Variants in WDR90 observed in about 807,000 individuals in gnomAD.
WDR90 encodes the protein WD repeat-containing protein 90.
Under a neutral mutation model 195.2 loss-of-function variants are expected in WDR90, and 238 were observed. That is an observed-to-expected ratio of 1.22 (90% CI 1.10 to 1.36). The LOEUF is 1.36. Ranked by LOEUF, WDR90 falls within the 40% of genes most tolerant of loss-of-function variation. WDR90 has a pLI of 0.00. For missense variants in WDR90, 2,734 were observed against 2,439.5 expected, an observed-to-expected ratio of 1.12 and a Z score of -2.54; for synonymous variants, 1,265 against 1,052.4, an observed-to-expected ratio of 1.20 and a Z score of -3.91.
At chr16:658,731 G>T in intron 23 of WDR90, 78 bp downstream of exon 23, 1 of 1,571,766 alleles carries the variant, frequency 6.4e-7, no homozygotes, top group Non-Finnish European at 8.7e-7. Context: ...GCAGGTGTGG[G>T]TGGGGGCAGG....
rs764870111 is a variant in WDR90, at chr16:666,688, C to T, written c.4900C>T (p.Pro1634Ser). The change falls in exon 39 of 41, where the codon CCA becomes TCA. Residue 1634 changes from proline (P) to serine (S), a missense_variant. Transcript: ENST00000293879. ...PATTETQGHL[P>S]PSLAAFCPWD... Reference sequence around the variant, plus strand: ...GCCTTTGCAGACTCAGGGCCACCTGCCACCCTCCCTCGCTGCCTTCTGCCC... The same window carrying T: ...GCCTTTGCAGACTCAGGGCCACCTGTCACCCTCCCTCGCTGCCTTCTGCCC... The T allele has an allele frequency of 9.9e-6, 16 of 1,612,746 alleles. No individual in the cohort carries two copies. The highest frequency in any genetic ancestry group is 1.7e-5 in the Admixed American group (1 of 60,018).
rs750438384 is a variant in WDR90 at position 658,505 on chromosome 16, C to A, written c.2767-20C>A. 6.4e-5 allele frequency: 103 copies of A among 1,598,098 alleles called. No homozygotes were observed. Among genetic ancestry groups the A allele is most frequent in the Non-Finnish European group, 8.5e-5 (99 of 1,168,780 alleles). ...CCACTCTCCTGAGACACGGCATTTC[C>A]CAAGAGCACTGTGTTCCAGCTGCCC... On this transcript the variant is annotated intron_variant, in intron 22 of 40. Transcript: ENST00000293879.
Position 667,641 on chromosome 16 carries a change from C to T in WDR90, c.*52C>T. ...CATCACGCCTGGTCATGCCAGGCAC[C>T]TGGACACAGGCTTGGCAGAGGCGCC... On this transcript the variant is annotated 3_prime_UTR_variant, in exon 41 of 41. Transcript: ENST00000293879. The T allele has an allele frequency of 6.3e-7, 1 of 1,597,344 alleles. No individual in the cohort carries two copies. The highest frequency in any genetic ancestry group is 2.2e-5 in the East Asian group (1 of 44,782).
rs1162074170 is a variant in WDR90, at chr16:657,055, G to A, written c.2343-36G>A. ...GGGAACCCATGGTACCTGGGCTTCG[G>A]GGCTAGGGCCAGCGGGGTCCCTGTG... is the stretch of plus-strand genomic sequence containing the variant. On this transcript the variant is annotated intron_variant, in intron 19 of 40. Coordinates refer to ENST00000293879, the MANE Select transcript of WDR90 (RefSeq NM_145294.5). 3 of 1,591,502 alleles carry A rather than the reference G, an allele frequency of 1.9e-6. No homozygotes were observed. In the South Asian group the frequency reaches 3.4e-5, roughly 18 times the overall value.
rs767230810 is a variant in WDR90 at position 657,174 on chromosome 16, C to T, written c.2426C>T (p.Ala809Val). The T allele has an allele frequency of 3.2e-6, 5 of 1,558,664 alleles. No homozygotes were observed. Among genetic ancestry groups the T allele is most frequent in the Admixed American group, 1.9e-5 (1 of 52,642 alleles). Residue 809 changes from alanine (A) to valine (V), a missense_variant, in exon 20 of 41, where the codon GCC becomes GTC. Coordinates refer to ENST00000293879, the MANE Select transcript of WDR90 (RefSeq NM_145294.5). ...LFSSCSQGSL[A>V]QYSCADPQWH... ...AGCTCCTGCTCCCAGGGCTCCCTGG[C>T]CCAGTACAGCTGTGCGGACCCCCAG...
Position 655,692 on chromosome 16 carries a change from C to A in WDR90, c.1838C>A (p.Thr613Asn). 4 of 1,595,116 alleles carry A rather than the reference C, an allele frequency of 2.5e-6. No individual in the cohort carries two copies. The highest frequency in any genetic ancestry group is 1.7e-6 in the Non-Finnish European group (2 of 1,170,714). ...TPGGPHPQKQ[T>N]FSSGPGIAIS... Reference sequence around the variant, plus strand: ...GGCGGTCCCCACCCACAGAAGCAGACCTTCAGCTCAGGTAAGAGGGCGCCC... The same window carrying A: ...GGCGGTCCCCACCCACAGAAGCAGAACTTCAGCTCAGGTAAGAGGGCGCCC... The change falls in exon 16 of 41, where the codon ACC (threonine) becomes AAC (asparagine). Residue 613 changes from threonine (T) to asparagine (N), a missense_variant. Thr to Asn is a moderately conservative substitution (Grantham distance 65). Transcript: ENST00000293879.
chr16:660,673 G>C lies in WDR90; in HGVS notation c.3350G>C (p.Ser1117Thr). Reference protein sequence around the residue: ...WLRLKAVVGYSGNGRANMVWR... With the variant: ...WLRLKAVVGYTGNGRANMVWR... ...CGTCTGAAGGCTGTCGTCGGTTACA[G>C]CGGGAATGGGCGGGCCAACATGGTC... is the stretch of plus-strand genomic sequence containing the variant. Residue 1117 changes from serine (S) to threonine (T), a missense_variant, in exon 28 of 41, where the codon AGC (serine) becomes ACC (threonine). By Grantham distance (58) the Ser-to-Thr change is moderately conservative. Coordinates refer to ENST00000293879, the MANE Select transcript of WDR90 (RefSeq NM_145294.5). 6.3e-7 allele frequency: 1 copy of C among 1,579,810 alleles called. No individual in the cohort carries two copies. Among genetic ancestry groups the C allele is most frequent in the Non-Finnish European group, 8.6e-7 (1 of 1,163,828 alleles).
chr16:655,484 T>G lies in WDR90; in HGVS notation c.1718+16T>G. 6.5e-7 allele frequency: 1 copy of G among 1,528,172 alleles called. No individual in the cohort carries two copies. The highest frequency in any genetic ancestry group is 1.3e-5 in the South Asian group (1 of 79,170). The allele number at this position is 1,528,172 out of a possible 1,614,324, so 94.7% of individuals were successfully genotyped here. ...CTGCCATGCTGTGAGTCCCTGCCCTTCCCCACGGCCTGCCCCGGCATGGGG... is the reference window on the plus strand; with the variant it reads ...CTGCCATGCTGTGAGTCCCTGCCCTGCCCCACGGCCTGCCCCGGCATGGGG... On this transcript the variant is annotated intron_variant, in intron 15 of 40. Coordinates refer to ENST00000293879, the MANE Select transcript of WDR90 (RefSeq NM_145294.5).
Position 655,137 on chromosome 16 carries a change from G to A in WDR90, c.1546G>A (p.Asp516Asn), listed in dbSNP as rs374528522. The A allele has an allele frequency of 1.8e-5, 29 of 1,612,616 alleles. No individual in the cohort carries two copies. In the East Asian group the frequency reaches 4.9e-4, roughly 27 times the overall value. The change falls in exon 14 of 41, where the codon GAT becomes AAT. Residue 516 changes from aspartate to asparagine, a missense_variant. Coordinates refer to ENST00000293879, the MANE Select transcript of WDR90 (RefSeq NM_145294.5). The part of the protein sequence containing the change: ...DVQAFRVTFF[D>N]ETRMASCGQG... ...CCAGGCCTTCCGGGTCACCTTTTTTGATGAAACCAGGTGATGCAGCCGCCC... is the reference window on the plus strand; with the variant it reads ...CCAGGCCTTCCGGGTCACCTTTTTTAATGAAACCAGGTGATGCAGCCGCCC...
At chr16:660,773 C>T (rs944675777) in intron 28 of WDR90, 59 bp downstream of exon 28, 24 of 1,499,444 alleles carry the variant, frequency 1.6e-5, no homozygotes, top group African/African-American at 9.7e-5. Context: ...GTGGTCCAGC[C>T]GTCTCCACCC....
chr16:662,120 G>T, intron 32 of WDR90, 61 bp downstream of exon 32: 1 of 1,565,070 alleles, frequency 6.4e-7, no homozygotes, highest in South Asian at 1.2e-5. Context: ...CTCAGAGCTG[G>T]GGCAGAGGCC....
At position 657,239 on chromosome 16, in the gene WDR90, C is replaced by T. The variant is rs533905613; in HGVS notation, c.2473+18C>T. ...AGTGGCAGGTTGGGCCCCCTGCAGCCACTCTGGGGGACTCCTCAGGGCGGG... is the reference window on the plus strand; with the variant it reads ...AGTGGCAGGTTGGGCCCCCTGCAGCTACTCTGGGGGACTCCTCAGGGCGGG... On this transcript the variant is annotated intron_variant, in intron 20 of 40. Coordinates refer to ENST00000293879, the MANE Select transcript of WDR90 (RefSeq NM_145294.5). 270 of 1,533,688 alleles carry T rather than the reference C, an allele frequency of 1.8e-4. No individual in the cohort carries two copies. The South Asian group carries it at 3.1e-3, about 18-fold the overall frequency.
chr16:662,794 A>G lies in WDR90; in HGVS notation c.4261A>G (p.Ser1421Gly), dbSNP rs752546093. 34 of 1,601,622 alleles carry G rather than the reference A, an allele frequency of 2.1e-5. No homozygotes were observed. The highest frequency in any genetic ancestry group is 5.1e-5 in the Admixed American group (3 of 58,650). ...GTTAGTLWFV[S>G]WAEGTSTRLI... ...CACGGCGGGCACGCTGTGGTTTGTC[A>G]GCTGGGCCGAGGGCACCAGCACACG... The change falls in exon 34 of 41, where the codon AGC becomes GGC. Residue 1421 changes from serine (S) to glycine (G), a missense_variant. Coordinates refer to ENST00000293879, the MANE Select transcript of WDR90 (RefSeq NM_145294.5).
chr16:653,085 C>T (rs989163352), intron 10 of WDR90, among the ~76,000 whole-genome samples: 2 of 152,198 alleles, frequency 1.3e-5, no homozygotes, highest in African/African-American at 2.4e-5. Flanking sequence ...AGAGGACAGG[C>T]GTCTGTGCAT....
At chr16:662,096 C>T (rs2037929585) in intron 32 of WDR90, 37 bp downstream of exon 32, 4 of 1,584,222 alleles carry the variant, frequency 2.5e-6, no homozygotes, top group Admixed American at 1.7e-5. Flanking sequence ...CCCTCAGGAC[C>T]CCTACCTGGG....
chr16:655,280 G>T, intron 14 of WDR90, 27 bp from the exon 15 acceptor site: 1 of 1,609,116 alleles, frequency 6.2e-7, no homozygotes, highest in Non-Finnish European at 8.5e-7. Flanking sequence ...GCGAGCTGCG[G>T]CAGTGCTCAG....
intron 34 of WDR90, 39 bp from the exon 35 acceptor site, chr16:665,640 A>G (rs1268157860): frequency 6.8e-6 from 11 of 1,612,130 alleles, no homozygotes; most frequent in East Asian, 2.2e-5. Context: ...TACCCTGCCC[A>G]GGGGCCAACA....
At position 650,063 on chromosome 16, in the gene WDR90, A is replaced by T; in HGVS notation, c.175A>T (p.Lys59Ter). The T allele has an allele frequency of 3.1e-6, 5 of 1,612,922 alleles. No homozygotes were observed. The highest frequency in any genetic ancestry group is 4.2e-6 in the Non-Finnish European group (5 of 1,179,972). The change falls in exon 3 of 41, where the codon AAG becomes TAG. Residue 59 changes from lysine (K) to a stop codon, truncating the protein, a stop_gained. Transcript: ENST00000293879. LOFTEE classifies it high-confidence loss of function. ...VSAANYIQLP[K>*]SSTQSLGLTG... ...TGCCGCCAACTACATCCAGCTCCCT[A>T]AGAGCAGCACCCAGTCTCTGGGGCT... is the stretch of plus-strand genomic sequence containing the variant.
rs756623485 is a variant in WDR90, at chr16:661,377, C to T, written c.3549C>T (p.Thr1183=). The stretch of plus-strand genomic sequence containing the variant: ...CTGCCTCGGGCCGAAGCAGCACGAC[C>T]GCCCATTGTCAGATCCGCGTCTGGG... ...LASASGRSST[T]AHCQIRVWDV... is the part of the protein sequence containing the mutation. The change falls in exon 30 of 41, where the codon ACC becomes ACT. Residue 1183 remains threonine (T), a synonymous_variant. Coordinates refer to ENST00000293879, the MANE Select transcript of WDR90 (RefSeq NM_145294.5). 1.9e-5 allele frequency: 31 copies of T among 1,610,044 alleles called. No individual in the cohort carries two copies. The highest frequency in any genetic ancestry group is 2.5e-5 in the Non-Finnish European group (29 of 1,179,536).
Sources: allele counts gnomAD v4.1 joint callset (sites outside exome capture counted in the v4.1 genomes callset), GRCh38; gene constraint gnomAD v4.1.1; transcripts MANE v1.5; gene names NCBI Gene and HGNC (gene_info 2026-07-23, HGNC 2026-07-21).